CTNNA2: variants seen among roughly 807,000 people sequenced by gnomAD.
CTNNA2 encodes the protein catenin alpha-2.
A neutral mutation model predicts 101.0 loss-of-function variants in CTNNA2; 42 were observed. The ratio of observed to expected loss-of-function variants is 0.42; its 90% CI spans 0.32 to 0.54. The LOEUF (loss-of-function observed/expected upper bound fraction) is 0.54. CTNNA2 is among the 20% of genes least tolerant of loss of function. The probability of loss-of-function intolerance (pLI) is 0.14; values close to 1 mark genes in which losing one functional copy is unlikely to be tolerated. For synonymous variants in CTNNA2, 450 were observed against 456.4 expected, an observed-to-expected ratio of 0.99 and a Z score of 0.18; for missense variants, 871 against 1,223.1, an observed-to-expected ratio of 0.71 and a Z score of 4.29.
At chr2:80,417,667 C>T (rs1308012363) in intron 8 of CTNNA2, among the ~76,000 whole-genome samples, 1 of 151,350 alleles carries the variant, frequency 6.6e-6, no homozygotes, top group Non-Finnish European at 1.5e-5. Context: ...TTATCATGTT[C>T]TTCCATATTT....
intron 4 of CTNNA2, among the ~76,000 whole-genome samples, chr2:79,427,325 G>A (rs1678603222): frequency 6.6e-6 from 1 of 151,758 alleles, no homozygotes; most frequent in African/African-American, 2.4e-5. Flanking sequence ...TCTCAGCAGT[G>A]GTATTGATGG....
chr2:79,207,187 CAGCACTAT>C (rs1462530034), intron 2 of CTNNA2, among the ~76,000 whole-genome samples: 1 of 152,176 alleles, frequency 6.6e-6, no homozygotes, highest in African/African-American at 2.4e-5. Flanking sequence ...ACTAGAATCT[CAGCACTAT>C]AGCCACTTTT....
chr2:80,224,483 C>T (rs987631365), intron 7 of CTNNA2, among the ~76,000 whole-genome samples: 5 of 152,022 alleles, frequency 3.3e-5, no homozygotes, highest in East Asian at 1.9e-4. Flanking sequence ...GTCGCTCTGT[C>T]GCCCAAGCTG....
chr2:80,546,030 A>G lies in CTNNA2; in HGVS notation c.1507A>G (p.Ile503Val), dbSNP rs1377768390. Residue 503 changes from isoleucine to valine, a missense_variant, in exon 11 of 19, where the codon ATC becomes GTC. Ile to Val is a conservative substitution (Grantham distance 29). This residue lies in a region of CTNNA2 where 647 missense variants were observed against 831.5 expected (regional missense o/e 0.78). Transcript: ENST00000402739. The stretch of plus-strand genomic sequence containing the variant: ...AGTGTTGACAGAGGCCGTGGATGAC[A>G]TCACCTCAGTGGATGACTTCCTCTC... ...VRVLTEAVDD[I>V]TSVDDFLSVS... The G allele has an allele frequency of 1.2e-6, 2 of 1,614,082 alleles. No homozygotes were observed. Among genetic ancestry groups the G allele is most frequent in the Non-Finnish European group, 1.7e-6 (2 of 1,179,996 alleles).
intron 7 of CTNNA2, among the ~76,000 whole-genome samples, chr2:80,239,799 C>T (rs1033452421): frequency 3.1e-4 from 47 of 152,032 alleles, no homozygotes; most frequent in Non-Finnish European, 6.3e-4. Context: ...GTAATTCCAG[C>T]TACTCGGGAG....
In CTNNA2 at chr2:79,205,437, A is replaced by G. The variant is rs536970735; in HGVS notation, c.-406+7361A>G. ...GTTTGCAGTGGTTTGTTACTCAGCA[A>G]TAGATAGTTAGAACAGCCCCTTTGA... On this transcript the variant is annotated intron_variant, in intron 2 of 21. Coordinates refer to the CTNNA2 transcript ENST00000466387. 2.0e-5 allele frequency among the ~76,000 whole-genome samples: 3 copies of G among 152,332 alleles called. No homozygotes were observed. In the South Asian group the frequency reaches 6.2e-4, roughly 32 times the overall value.
chr2:80,213,394 A>G lies in CTNNA2; in HGVS notation c.1057-179817A>G, dbSNP rs574534526. ...CTACACACTGCTTTAAATGTGTCCC[A>G]GAGATTCTGGTATGTTGTGTCTTTG... On this transcript the variant is annotated intron_variant, in intron 7 of 18. Transcript: ENST00000402739. Among the ~76,000 whole-genome samples, 7 of 152,236 alleles carry G rather than the reference A, an allele frequency of 4.6e-5. No individual in the cohort carries two copies. The East Asian group carries it at 1.4e-3, about 29-fold the overall frequency.
chr2:79,251,183 G>A (rs1198590191), intron 2 of CTNNA2, among the ~76,000 whole-genome samples: 1 of 152,172 alleles, frequency 6.6e-6, no homozygotes, highest in African/African-American at 2.4e-5. Flanking sequence ...TCAGCAAGAG[G>A]AGTGTTGAGA....
At chr2:80,426,484 T>C (rs55828573) in intron 9 of CTNNA2, among the ~76,000 whole-genome samples, 34,763 of 152,030 alleles carry the variant, frequency 0.23, 5,517 homozygotes, top group African/African-American at 0.45. Flanking sequence ...AAGCCACACA[T>C]TCTATTGTGC....
At chr2:80,449,154 G>A (rs1683293722) in intron 9 of CTNNA2, among the ~76,000 whole-genome samples, 2 of 152,134 alleles carry the variant, frequency 1.3e-5, no homozygotes, top group East Asian at 3.9e-4. Context: ...GTTTAGGCCT[G>A]TAATCCTAGG....
At chr2:79,340,718 C>T (rs930368178) in intron 3 of CTNNA2, among the ~76,000 whole-genome samples, 7 of 150,952 alleles carry the variant, frequency 4.6e-5, no homozygotes, top group Non-Finnish European at 1.0e-4. Flanking sequence ...CCTGTAGTCC[C>T]AGCTACTGGG....
intron 2 of CTNNA2, among the ~76,000 whole-genome samples, chr2:79,681,854 A>G (rs1683585002): frequency 6.6e-6 from 1 of 152,178 alleles, no homozygotes; most frequent in African/African-American, 2.4e-5. Flanking sequence ...CTGTGAGAAA[A>G]TTCTTTAAAT....
intron 2 of CTNNA2, among the ~76,000 whole-genome samples, chr2:79,233,215 A>G (rs191970691): frequency 9.9e-5 from 15 of 152,270 alleles, no homozygotes; most frequent in African/African-American, 3.4e-4. Flanking sequence ...TCCTTTTAAC[A>G]TTGTTTTAGC....
intron 8 of CTNNA2, among the ~76,000 whole-genome samples, chr2:80,407,054 C>T (rs1006663932): frequency 1.3e-5 from 2 of 152,014 alleles, no homozygotes; most frequent in Admixed American, 6.6e-5. Context: ...CCAGCCAACC[C>T]AACTAGATAC....
At chr2:79,301,944 T>A (rs1676120938) in intron 2 of CTNNA2, among the ~76,000 whole-genome samples, 1 of 151,870 alleles carries the variant, frequency 6.6e-6, no homozygotes, top group South Asian at 2.1e-4. Context: ...TACAAAAAAA[T>A]TAGCTGGGTG....
intron 9 of CTNNA2, among the ~76,000 whole-genome samples, chr2:80,425,117 C>A (rs950455669): frequency 6.6e-6 from 1 of 152,158 alleles, no homozygotes; most frequent in African/African-American, 2.4e-5. Context: ...GAAGGTTAGG[C>A]TCCCCTCAAT....
chr2:80,112,745 G>A (rs749044790), intron 7 of CTNNA2, among the ~76,000 whole-genome samples: 4 of 151,952 alleles, frequency 2.6e-5, no homozygotes, highest in African/African-American at 4.8e-5. Context: ...GCATTTTTGC[G>A]CACCCTATTC....
rs142606695 is a variant in CTNNA2 at position 79,765,317 on chromosome 2, C to CAAGTCACTA, written c.298+20736_298+20744dup. Among the ~76,000 whole-genome samples, 269 of 152,280 alleles carry CAAGTCACTA rather than the reference C, an allele frequency of 1.8e-3. 4 individuals are homozygous for CAAGTCACTA. In the East Asian group the frequency reaches 0.041, roughly 23 times the overall value. On this transcript the variant is annotated intron_variant, in intron 3 of 18. Transcript: ENST00000402739. ...CTCTATTGTTACATTTCTAGAGACA[C>CAAGTCACTA]AAGTCACTAGTACTTTCTTTTTTTC...
In CTNNA2 at chr2:79,609,327, T is replaced by C. The variant is rs1033770673; in HGVS notation, c.-5-42225T>C. ...AAATTTTCTGTAAAAAACTAATTTT[T>C]AGCATAAGTATATTCATCTTATGGT... On this transcript the variant is annotated intron_variant, in intron 1 of 18. Coordinates refer to ENST00000402739, the MANE Select transcript of CTNNA2 (RefSeq NM_001282597.3). Among the ~76,000 whole-genome samples, 3 of 152,044 alleles carry C rather than the reference T, an allele frequency of 2.0e-5. No individual in the cohort carries two copies. In the East Asian group the frequency reaches 5.8e-4, roughly 29 times the overall value.
Sources: allele counts gnomAD v4.1 joint callset (sites outside exome capture counted in the v4.1 genomes callset), GRCh38; gene constraint gnomAD v4.1.1; regional missense constraint gnomAD v4.1.1; transcripts MANE v1.5; gene names NCBI Gene and HGNC (gene_info 2026-07-23, HGNC 2026-07-21).